The following SULT1C2 variants were observed in gnomAD, a reference collection of about 807,000 sequenced individuals.
SULT1C2 encodes the protein sulfotransferase 1C2.
SULT1C2 carries 27 observed loss-of-function variants against 36.0 expected under a neutral mutation model. That is an observed-to-expected ratio of 0.75 (90% CI 0.55 to 1.03). The LOEUF is 1.03. Among genes scored for constraint, SULT1C2 ranks in the 50% least tolerant of loss-of-function variants. The pLI is 0.00. For missense variants in SULT1C2, 395 were observed against 359.2 expected (o/e 1.10, Z -0.80); for synonymous variants, 121 against 116.0 (o/e 1.04, Z -0.27).
At chr2:108,302,778 TAAGTA>T (rs1355391430) in intron 4 of SULT1C2, 1 of 152,150 alleles carries the variant, frequency 6.6e-6, no homozygotes, top group Non-Finnish European at 1.5e-5. Flanking sequence ...ACAGAAATAT[TAAGTA>T]AATAAATGGA....
At chr2:108,296,741 G>A (rs1172429288) in intron 3 of SULT1C2, among the ~76,000 whole-genome samples, 4 of 152,158 alleles carry the variant, frequency 2.6e-5, no homozygotes, top group Admixed American at 6.5e-5. Context: ...GTAAGCCACC[G>A]TGCCCAGCCA....
intron 7 of SULT1C2, among the ~76,000 whole-genome samples, chr2:108,307,807 C>A (rs1241610691): frequency 6.6e-6 from 1 of 152,182 alleles, no homozygotes; most frequent in African/African-American, 2.4e-5. Flanking sequence ...ACCACCCGCA[C>A]CCCAATCAAG....
At chr2:108,294,845 T>G (rs1676684708) in intron 3 of SULT1C2, among the ~76,000 whole-genome samples, 1 of 152,166 alleles carries the variant, frequency 6.6e-6, no homozygotes, top group Non-Finnish European at 1.5e-5. Flanking sequence ...AGAAGACTTT[T>G]CAGGTAATGC....
chr2:108,306,441 CA>C (rs66861455), intron 7 of SULT1C2, among the ~76,000 whole-genome samples: 110,934 of 151,614 alleles, frequency 0.73, 41,419 homozygotes, highest in East Asian at 0.93. Flanking sequence ...CCCATCTCTA[CA>C]AAAAAAAATT....
intron 5 of SULT1C2, 80 bp from the exon 6 acceptor site, chr2:108,305,092 C>T (rs1008773158): frequency 6.6e-7 from 1 of 1,524,870 alleles, no homozygotes; most frequent in East Asian, 2.3e-5. Context: ...CTCTCTAACT[C>T]ACTTCAGGAA....
At position 108,300,840 on chromosome 2, in the gene SULT1C2, G is replaced by A. The variant is rs777429189; in HGVS notation, c.280G>A (p.Val94Met). ...TTTCCTCTTGAGCTATTTTAAAGGT[G>A]TGGAAAAAGCCAAAGCAATGCCCTC... ...EWARPPQPSG[V>M]EKAKAMPSPR... Residue 94 changes from valine (V) to methionine (M), a missense_variant and splice_region_variant, in exon 4 of 8, where the codon GTG becomes ATG. Transcript: ENST00000251481. 6.2e-7 allele frequency: 1 copy of A among 1,614,144 alleles called. No individual in the cohort carries two copies. The highest frequency in any genetic ancestry group is 2.2e-5 in the East Asian group (1 of 44,880).
chr2:108,301,586 A>T (rs1188689800), intron 4 of SULT1C2: 1 of 152,320 alleles, frequency 6.6e-6, no homozygotes, highest in African/African-American at 2.4e-5. Context: ...ATCTCAAAAA[A>T]AAAGTTCTCC....
intron 4 of SULT1C2, chr2:108,303,069 A>G (rs1676921778): frequency 2.0e-5 from 3 of 152,262 alleles, no homozygotes; most frequent in Admixed American, 2.0e-4. Context: ...CATTTCTTAA[A>G]ACCTTCTTTA....
intron 2 of SULT1C2, 25 bp from the exon 3 acceptor site, chr2:108,294,204 C>T: frequency 6.2e-7 from 1 of 1,612,344 alleles, no homozygotes; most frequent in Non-Finnish European, 8.5e-7. Context: ...ATTTCTGCTT[C>T]TCATCCTTCC....
At chr2:108,301,471 C>T (rs1265838786) in intron 4 of SULT1C2, 1 of 152,458 alleles carries the variant, frequency 6.6e-6, no homozygotes, top group African/African-American at 2.4e-5. Flanking sequence ...GTCCCAGCTA[C>T]TCGGGAGGGT....
At chr2:108,296,897 G>C (rs1267373892) in intron 3 of SULT1C2, among the ~76,000 whole-genome samples, 1 of 152,158 alleles carries the variant, frequency 6.6e-6, no homozygotes, top group African/African-American at 2.4e-5. Flanking sequence ...GACACTACTG[G>C]ACAATGGATG....
chr2:108,305,245 C>T lies in SULT1C2; in HGVS notation c.576C>T (p.Leu192=). 1 of 1,614,182 alleles carries T rather than the reference C, an allele frequency of 6.2e-7. No homozygotes were observed. The highest frequency in any genetic ancestry group is 8.5e-7 in the Non-Finnish European group (1 of 1,180,028). ...EMKDRHQILF[L]FYEDIKRDPK... ...AAGACAGACACCAGATTCTCTTCCT[C>T]TTCTATGAGGACATAAAGAGGGTGA... The change falls in exon 6 of 8, where the codon CTC becomes CTT. Residue 192 remains leucine (L), a synonymous_variant. Transcript: ENST00000251481.
intron 7 of SULT1C2, 88 bp downstream of exon 7, chr2:108,305,683 C>G (rs1374064599): frequency 1.3e-6 from 2 of 1,482,114 alleles, no homozygotes; most frequent in Non-Finnish European, 9.4e-7. Context: ...TTATTAATTC[C>G]AAGCCAATGC....
intron 1 of SULT1C2, among the ~76,000 whole-genome samples, chr2:108,292,393 A>AAC (rs66462427): frequency 0.048 from 6,433 of 133,324 alleles, 254 homozygotes; most frequent in African/African-American, 0.11. Context: ...CAACAATGAC[A>AAC]ACACACACAC....
At chr2:108,298,029 T>G (rs144613051) in intron 3 of SULT1C2, among the ~76,000 whole-genome samples, 2 of 152,156 alleles carry the variant, frequency 1.3e-5, no homozygotes, top group Non-Finnish European at 2.9e-5. Context: ...TCAGGTGTAA[T>G]AGGAAAGAGG....
chr2:108,301,007 G>A lies in SULT1C2; in HGVS notation c.375+72G>A, dbSNP rs1424656088. 5 of 1,580,520 alleles carry A rather than the reference G, an allele frequency of 3.2e-6. No individual in the cohort carries two copies. In the African/African-American group the frequency reaches 4.1e-5, roughly 13 times the overall value. On this transcript the variant is annotated intron_variant, in intron 4 of 7. Coordinates refer to ENST00000251481, the MANE Select transcript of SULT1C2 (RefSeq NM_001056.4). ...CAAAGCGAGTCCTGCAGACCCCAAC[G>A]CAGAGCATTCGTGATCACCTTTGCC...
chr2:108,304,156 C>G (rs1275152031), intron 4 of SULT1C2: 1 of 153,328 alleles, frequency 6.5e-6, no homozygotes, highest in Non-Finnish European at 1.5e-5. Context: ...AAAATAGGAG[C>G]TATTTTCTTG....
intron 7 of SULT1C2, among the ~76,000 whole-genome samples, chr2:108,306,633 C>G (rs935194537): frequency 6.6e-6 from 1 of 151,508 alleles, no homozygotes; most frequent in Admixed American, 6.6e-5. Context: ...ATAGGCTGGG[C>G]ATGATGGCTC....
rs562674183 is a variant in SULT1C2, at chr2:108,301,387, C to G, written c.375+452C>G. On this transcript the variant is annotated intron_variant, in intron 4 of 7. Coordinates refer to ENST00000251481, the MANE Select transcript of SULT1C2 (RefSeq NM_001056.4). The stretch of plus-strand genomic sequence containing the variant: ...CGGGTGGATCACAAAGTCAGGAGAT[C>G]GAGAGCACGGTGAAACCCCGTCTCT... 377 of 153,610 alleles carry G rather than the reference C, an allele frequency of 2.5e-3. 1 individual carries two copies. The highest frequency in any genetic ancestry group is 8.8e-3 in the African/African-American group (366 of 41,480). 9.5% of individuals were successfully genotyped at this position (153,610 alleles called of 1,614,324 possible).
Sources: gnomAD v4.1 joint callset for allele counts (sites outside exome capture counted in the v4.1 genomes callset) on GRCh38, gnomAD v4.1.1 for gene constraint, MANE v1.5 for transcripts, NCBI Gene and HGNC (gene_info 2026-07-23, HGNC 2026-07-21) for gene names.